Variants in NCALD observed in about 807,000 individuals in gnomAD.
NCALD encodes the protein neurocalcin-delta.
Under a neutral mutation model 18.6 loss-of-function variants are expected in NCALD, and 10 were observed. That is an observed-to-expected ratio of 0.54 (90% CI 0.33 to 0.91). NCALD has a LOEUF of 0.91. Among genes scored for constraint, NCALD ranks in the 40% least tolerant of loss-of-function variants. The pLI is 0.03. For missense variants in NCALD, 184 were observed against 247.6 expected (o/e 0.74, Z 1.72); for synonymous variants, 88 against 87.4 (o/e 1.01, Z -0.04).
chr8:101,951,038 C>T (rs973346957), intron 2 of NCALD, among the ~76,000 whole-genome samples: 3 of 152,196 alleles, frequency 2.0e-5, no homozygotes, highest in African/African-American at 4.8e-5. Context: ...AGGTGCTAGA[C>T]CAAGCCATGC....
intron 4 of NCALD, among the ~76,000 whole-genome samples, chr8:101,865,946 A>G (rs1305995494): frequency 1.6e-4 from 24 of 152,208 alleles, no homozygotes; most frequent in Admixed American, 1.6e-3. Flanking sequence ...AACTCTTCAG[A>G]CGTATTCAAA....
chr8:101,759,471 C>T (rs1811025068), intron 1 of NCALD, among the ~76,000 whole-genome samples: 1 of 152,076 alleles, frequency 6.6e-6, no homozygotes, highest in African/African-American at 2.4e-5. Flanking sequence ...AAATTGTATG[C>T]AGTAAAATGA....
chr8:101,865,692 T>C (rs1221304677), intron 4 of NCALD, among the ~76,000 whole-genome samples: 1 of 152,164 alleles, frequency 6.6e-6, no homozygotes, highest in East Asian at 1.9e-4. Flanking sequence ...TCACAGGTCA[T>C]GCTCTCCAGT....
intron 1 of NCALD, among the ~76,000 whole-genome samples, chr8:102,051,005 A>T (rs928794998): frequency 6.6e-6 from 1 of 150,728 alleles, no homozygotes; most frequent in Non-Finnish European, 1.5e-5. Context: ...ATATAAAGTA[A>T]TTTTTTTATA....
rs117743103 is a variant in NCALD, at chr8:102,036,321, T to A, written c.-209-16032A>T. ...TGACAGAAAAAAAATAAATAAATAA[T>A]ACTTAATATATATATCACTATATAT... On this transcript the variant is annotated intron_variant, in intron 1 of 6. Coordinates refer to the NCALD transcript ENST00000311028. 0.01 allele frequency among the ~76,000 whole-genome samples: 1,565 copies of A among 150,164 alleles called. 64 individuals carry two copies. In the East Asian group the frequency reaches 0.12, roughly 12 times the overall value.
Position 101,689,521 on chromosome 8 carries a change from C to T in NCALD, c.485-115G>A. Reference sequence around the variant, plus strand: ...TCACCTGCCTGCAGCCTCACTGCCACTGTGACACACAGCACTCACCTGTCC... The same window carrying T: ...TCACCTGCCTGCAGCCTCACTGCCATTGTGACACACAGCACTCACCTGTCC... On this transcript the variant is annotated intron_variant, in intron 3 of 3. Coordinates refer to ENST00000220931, the MANE Select transcript of NCALD (RefSeq NM_032041.3). The surrounding 1 kb of genome is among the most constrained non-coding windows in gnomAD (Gnocchi z 4.4). 1.3e-6 allele frequency: 1 copy of T among 751,098 alleles called. No individual in the cohort carries two copies. Among genetic ancestry groups the T allele is most frequent in the Non-Finnish European group, 2.3e-6 (1 of 443,166 alleles). The allele number at this position is 751,098 out of a possible 1,614,324, so 46.5% of individuals were successfully genotyped here. A position where few individuals can be genotyped will look rare whatever the true frequency, so the allele number is the denominator to read the frequency against.
chr8:102,111,486 CT>C (rs1008977995), intron 1 of NCALD, among the ~76,000 whole-genome samples: 6 of 151,888 alleles, frequency 4.0e-5, no homozygotes, highest in African/African-American at 1.2e-4. Context: ...TCTCCTTCCC[CT>C]ATCCTCAAGG....
At chr8:102,047,806 C>T (rs1262602563) in intron 1 of NCALD, among the ~76,000 whole-genome samples, 1 of 151,972 alleles carries the variant, frequency 6.6e-6, no homozygotes, top group East Asian at 1.9e-4. Context: ...AATACAGGAC[C>T]CCTCCAGTTC....
chr8:101,858,076 A>G (rs1305522405), intron 4 of NCALD, among the ~76,000 whole-genome samples: 1 of 152,194 alleles, frequency 6.6e-6, no homozygotes, highest in Non-Finnish European at 1.5e-5. Context: ...TACAAACTTC[A>G]TGTTAAAAAT....
chr8:101,993,116 T>G (rs1490732683), intron 2 of NCALD, among the ~76,000 whole-genome samples: 1 of 143,098 alleles, frequency 7.0e-6, no homozygotes, highest in Non-Finnish European at 1.5e-5. Flanking sequence ...GTTAACAAAC[T>G]AAAATAATTA....
intron 2 of NCALD, among the ~76,000 whole-genome samples, chr8:101,961,440 A>G (rs1273830053): frequency 6.6e-6 from 1 of 152,176 alleles, no homozygotes; most frequent in Non-Finnish European, 1.5e-5. Flanking sequence ...CAAGTTCAAT[A>G]GTTTTTTTCT....
intron 1 of NCALD, among the ~76,000 whole-genome samples, chr8:101,730,226 A>C (rs1816756744): frequency 6.6e-6 from 1 of 152,114 alleles, no homozygotes; most frequent in South Asian, 2.1e-4. Context: ...TCATGCCTCT[A>C]ATCTCAGCAC....
intron 1 of NCALD, among the ~76,000 whole-genome samples, chr8:102,081,598 C>G (rs1297553454): frequency 1.4e-5 from 2 of 143,560 alleles, no homozygotes; most frequent in African/African-American, 2.7e-5. Context: ...ACTGGCTTTG[C>G]GCATGCGCAC....
intron 3 of NCALD, among the ~76,000 whole-genome samples, chr8:101,690,130 T>C (rs1013188096): frequency 6.6e-6 from 1 of 151,718 alleles, no homozygotes; most frequent in Non-Finnish European, 1.5e-5. Flanking sequence ...CCGGTGACCT[T>C]TCCTTTCTGC....
At chr8:101,829,658 G>GCA (rs60177999) in intron 4 of NCALD, among the ~76,000 whole-genome samples, 2,293 of 151,216 alleles carry the variant, frequency 0.015, 58 homozygotes, top group African/African-American at 0.048. Flanking sequence ...CCCATACGTG[G>GCA]CACACACACA....
intron 2 of NCALD, among the ~76,000 whole-genome samples, chr8:101,698,020 C>T (rs1815083594): frequency 6.6e-6 from 1 of 152,096 alleles, no homozygotes. Flanking sequence ...TGACATGATT[C>T]TATATTTAGA....
intron 1 of NCALD, among the ~76,000 whole-genome samples, chr8:102,028,229 A>C (rs1822532189): frequency 6.6e-6 from 1 of 152,238 alleles, no homozygotes; most frequent in African/African-American, 2.4e-5. Flanking sequence ...TTATGCATAC[A>C]TCTTACTTAA....
intron 1 of NCALD, among the ~76,000 whole-genome samples, chr8:102,036,126 A>AAAATAAATTAAT (rs1563562145): frequency 6.7e-6 from 1 of 148,880 alleles, no homozygotes; most frequent in Non-Finnish European, 1.5e-5. Context: ...CATCTCTACA[A>AAAATAAATTAAT]AAATAAATAA....
intron 1 of NCALD, among the ~76,000 whole-genome samples, chr8:102,040,569 T>C (rs570593567): frequency 6.6e-6 from 1 of 152,272 alleles, no homozygotes; most frequent in Admixed American, 6.5e-5. Context: ...AACCTGTAGC[T>C]GGGAAAGAAC....
Sources: gnomAD v4.1 joint callset for allele counts (sites outside exome capture counted in the v4.1 genomes callset) on GRCh38, gnomAD v4.1.1 for gene constraint, Gnocchi (gnomAD v3.1) non-coding constraint, MANE v1.5 for transcripts, NCBI Gene and HGNC (gene_info 2026-07-23, HGNC 2026-07-21) for gene names.